PPFIA2: variants seen among roughly 807,000 people sequenced by gnomAD.
PPFIA2 encodes PPFI scaffold protein A2, also known as liprin-alpha-2.
A neutral mutation model predicts 175.5 loss-of-function variants in PPFIA2; 46 were observed. That is an observed-to-expected ratio of 0.26 (90% CI 0.21 to 0.34). PPFIA2 has a LOEUF of 0.34. Ranked by LOEUF, PPFIA2 falls within the 10% of genes least tolerant of loss-of-function variation. The pLI, the probability that PPFIA2 is intolerant of heterozygous loss-of-function variation, is 1.00. For missense variants in PPFIA2, 1,179 were observed against 1,506.1 expected (o/e 0.78, Z 3.60); for synonymous variants, 568 against 511.4 (o/e 1.11, Z -1.49).
At chr12:81,736,160 T>C (rs1270268160) in intron 3 of PPFIA2, among the ~76,000 whole-genome samples, 1 of 152,020 alleles carries the variant, frequency 6.6e-6, no homozygotes, top group Non-Finnish European at 1.5e-5. Flanking sequence ...TTTGGGCATA[T>C]ATGACATCTT....
At chr12:81,276,971 A>T (rs1311406387) in intron 28 of PPFIA2, among the ~76,000 whole-genome samples, 5 of 152,300 alleles carry the variant, frequency 3.3e-5, no homozygotes, top group Middle Eastern at 3.4e-3. Context: ...ATGATATACC[A>T]TGTTTCTCTG....
At chr12:81,677,763 C>T (rs1190580985) in intron 3 of PPFIA2, among the ~76,000 whole-genome samples, 2 of 151,732 alleles carry the variant, frequency 1.3e-5, no homozygotes, top group East Asian at 3.9e-4. Flanking sequence ...CACAGAAGGT[C>T]ATGCTTGAGT....
In PPFIA2 at chr12:81,638,569, G is replaced by A. The variant is rs77347737; in HGVS notation, c.303+38222C>T. Among the ~76,000 whole-genome samples the A allele has an allele frequency of 6.4e-3, 977 of 151,556 alleles. 35 individuals are homozygous for A. The East Asian group carries it at 0.094, about 15-fold the overall frequency. On this transcript the variant is annotated intron_variant, in intron 4 of 32. Coordinates refer to ENST00000549396, the MANE Select transcript of PPFIA2 (RefSeq NM_003625.5). ...TTTGATCAATATAAGATGAATGCAA[G>A]ATGATCGCTTTATAAATTTGGGATA...
chr12:81,645,122 C>T (rs988628777), intron 4 of PPFIA2, among the ~76,000 whole-genome samples: 2 of 150,500 alleles, frequency 1.3e-5, no homozygotes, highest in South Asian at 2.1e-4. Flanking sequence ...ACTAAGCACA[C>T]TTTTTTAACC....
intron 4 of PPFIA2, among the ~76,000 whole-genome samples, chr12:81,484,442 GA>G (rs2058596151): frequency 6.6e-6 from 1 of 151,860 alleles, no homozygotes; most frequent in South Asian, 2.1e-4. Flanking sequence ...GTGACTGTGG[GA>G]GGCAGAAATA....
At chr12:81,436,627 A>G (rs1043872201) in intron 7 of PPFIA2, among the ~76,000 whole-genome samples, 3 of 152,156 alleles carry the variant, frequency 2.0e-5, no homozygotes, top group Non-Finnish European at 4.4e-5. Flanking sequence ...GTGATTTCTT[A>G]TACCAATTGC....
At chr12:81,357,702 A>G (rs971626253) in intron 16 of PPFIA2, among the ~76,000 whole-genome samples, 5 of 152,212 alleles carry the variant, frequency 3.3e-5, no homozygotes, top group African/African-American at 1.2e-4. Flanking sequence ...GCAATGTAGC[A>G]TAATAGTTAA....
intron 4 of PPFIA2, among the ~76,000 whole-genome samples, chr12:81,567,477 A>T (rs2071582070): frequency 6.6e-6 from 1 of 152,198 alleles, no homozygotes; most frequent in Non-Finnish European, 1.5e-5. Context: ...CATGTCAAAA[A>T]TATGAAGCAT....
At chr12:81,558,574 T>G (rs1394330761) in intron 4 of PPFIA2, among the ~76,000 whole-genome samples, 4 of 152,140 alleles carry the variant, frequency 2.6e-5, no homozygotes. Context: ...CCCATCCCAG[T>G]GTGATCACAG....
At chr12:81,283,631 T>C (rs2042598957) in intron 25 of PPFIA2, among the ~76,000 whole-genome samples, 1 of 152,106 alleles carries the variant, frequency 6.6e-6, no homozygotes, top group African/African-American at 2.4e-5. Context: ...GACATTAAAT[T>C]AAAAAGAAGT....
intron 4 of PPFIA2, among the ~76,000 whole-genome samples, chr12:81,537,162 A>T (rs1186933618): frequency 6.6e-6 from 1 of 151,712 alleles, no homozygotes; most frequent in South Asian, 2.1e-4. Flanking sequence ...TTTAATATGG[A>T]ACACTTGTAG....
At chr12:81,307,242 C>T (rs1200751999) in intron 22 of PPFIA2, among the ~76,000 whole-genome samples, 2 of 152,194 alleles carry the variant, frequency 1.3e-5, no homozygotes, top group African/African-American at 4.8e-5. Flanking sequence ...CATGTGCCCG[C>T]AGCCTCATCT....
Position 81,267,443 on chromosome 12 carries a change from C to T in PPFIA2, c.3487-423G>A, listed in dbSNP as rs147411130. 4.2e-4 allele frequency among the ~76,000 whole-genome samples: 64 copies of T among 152,152 alleles called. No individual in the cohort carries two copies. The East Asian group carries it at 5.8e-3, about 14-fold the overall frequency. On this transcript the variant is annotated intron_variant, in intron 29 of 32. Transcript: ENST00000549396. The stretch of plus-strand genomic sequence containing the variant: ...GTTTTGATAATAAAGATTCCTATGC[C>T]CTATCTCTTGACAACTGATGTCTTA...
At chr12:81,459,049 T>G (rs564024897) in intron 4 of PPFIA2, among the ~76,000 whole-genome samples, 40 of 152,308 alleles carry the variant, frequency 2.6e-4, no homozygotes, top group African/African-American at 9.4e-4. Context: ...TTTTGTTTGC[T>G]TCAAATCATT....
chr12:81,612,578 A>T (rs895376000), intron 4 of PPFIA2, among the ~76,000 whole-genome samples: 3 of 152,214 alleles, frequency 2.0e-5, no homozygotes, highest in Non-Finnish European at 4.4e-5. Flanking sequence ...CCATTCATTG[A>T]GGATGTCACA....
chr12:81,278,903 C>T (rs2041328368), intron 27 of PPFIA2, among the ~76,000 whole-genome samples: 1 of 152,092 alleles, frequency 6.6e-6, no homozygotes. Context: ...CATTTCTAAG[C>T]CCCGCATTTT....
intron 4 of PPFIA2, among the ~76,000 whole-genome samples, chr12:81,525,670 T>C (rs1309655669): frequency 2.0e-5 from 3 of 152,110 alleles, no homozygotes; most frequent in Non-Finnish European, 4.4e-5. Flanking sequence ...ATGTGTGCTG[T>C]CTTAAGTTGC....
At chr12:81,412,570 T>C (rs1258828523) in intron 7 of PPFIA2, among the ~76,000 whole-genome samples, 1 of 151,944 alleles carries the variant, frequency 6.6e-6, no homozygotes, top group Admixed American at 6.6e-5. Flanking sequence ...ACCAACCTAA[T>C]AATAATCAGG....
intron 8 of PPFIA2, 35 bp downstream of exon 8, chr12:81,405,751 AC>A: frequency 8.6e-7 from 1 of 1,164,806 alleles, no homozygotes; most frequent in East Asian, 2.7e-5. Flanking sequence ...TAAGAAGTAA[AC>A]ATTTCCATGT....
Sources: allele counts gnomAD v4.1 joint callset (sites outside exome capture counted in the v4.1 genomes callset), GRCh38; gene constraint gnomAD v4.1.1; transcripts MANE v1.5; gene names NCBI Gene and HGNC (gene_info 2026-07-23, HGNC 2026-07-21).